FOSB: variants seen among roughly 807,000 people sequenced by gnomAD.
The protein encoded by FOSB is FosB proto-oncogene, AP-1 transcription factor subunit.
FOSB carries 8 observed loss-of-function variants against 31.1 expected under a neutral mutation model. The ratio of observed to expected loss-of-function variants is 0.26; its 90% CI spans 0.15 to 0.46. FOSB has a LOEUF of 0.46. Ranked by LOEUF, FOSB falls within the 20% of genes least tolerant of loss-of-function variation. FOSB has a pLI of 0.99. For missense variants in FOSB, 376 were observed against 460.6 expected (o/e 0.82, Z 1.68); for synonymous variants, 214 against 206.1 (o/e 1.04, Z -0.33).
chr19:45,473,233 A>T lies in FOSB; in HGVS notation c.*221A>T. The stretch of plus-strand genomic sequence containing the variant: ...TGTTTCTGTGCCCCGGCGAGGCCGG[A>T]GAGCTGGTGACTTTGGGGACAGGGG... On this transcript the variant is annotated 3_prime_UTR_variant, in exon 4 of 4. Transcript: ENST00000353609. The T allele has an allele frequency of 2.1e-6, 1 of 487,384 alleles. No individual in the cohort carries two copies. Among genetic ancestry groups the T allele is most frequent in the Non-Finnish European group, 3.7e-6 (1 of 271,290 alleles). The allele number at this position is 487,384 out of a possible 1,614,324, so 30.2% of individuals were successfully genotyped here. A position where few individuals can be genotyped will look rare whatever the true frequency, so the allele number is the denominator to read the frequency against.
In FOSB at chr19:45,468,337, A is replaced by C. The variant is rs986855825; in HGVS notation, c.-250A>C. The C allele has an allele frequency of 9.7e-6, 4 of 413,944 alleles. No individual in the cohort carries two copies. The highest frequency in any genetic ancestry group is 8.3e-5 in the Admixed American group (2 of 24,042). The allele number at this position is 413,944 out of a possible 1,614,324, so 25.6% of individuals were successfully genotyped here. Reference sequence around the variant, plus strand: ...TGGGTCCTACGGAGCCTGCACTTTCAAGAGGTACAGCGGCATCCTGTGGGG... The same window carrying C: ...TGGGTCCTACGGAGCCTGCACTTTCCAGAGGTACAGCGGCATCCTGTGGGG... On this transcript the variant is annotated 5_prime_UTR_variant, in exon 1 of 4. Transcript: ENST00000353609. The surrounding 1 kb of genome is among the most constrained non-coding windows in gnomAD (Gnocchi z 4.8).
Position 45,472,811 on chromosome 19 carries a change from AC to A in FOSB, c.822del (p.Asn275ThrfsTer2). 1 of 1,613,424 alleles carries A rather than the reference AC, an allele frequency of 6.2e-7. No individual in the cohort carries two copies. Among genetic ancestry groups the A allele is most frequent in the Non-Finnish European group, 8.5e-7 (1 of 1,179,894 alleles). On this transcript the variant is annotated frameshift_variant, in exon 4 of 4. Transcript: ENST00000353609. LOFTEE classifies it high-confidence loss of function. This position sits in a 1 kb window ranked among gnomAD's most constrained non-coding sequence, Gnocchi z 5.4. ...TGCCCTTCCAGACCAGCCAAGACGC[AC>A]CCCCCAACCTGACGGCTTCTCTCTT... ...PLPFQTSQDA[P>X]PNLTASLFTH...
rs937754932 is a variant in FOSB, at chr19:45,474,823, A to C, written c.*1811A>C. ...TGTCTTTTCTCCTCCGCCTGTGTCC[A>C]TCTGACCGTTTTCACTTGTCTCCTT... On this transcript the variant is annotated 3_prime_UTR_variant, in exon 4 of 4. Transcript: ENST00000353609. The C allele has an allele frequency of 3.3e-5, 5 of 152,102 alleles. No homozygotes were observed. The highest frequency in any genetic ancestry group is 1.2e-4 in the African/African-American group (5 of 41,378). 9.4% of individuals were successfully genotyped at this position (152,102 alleles called of 1,614,324 possible).
Position 45,468,560 on chromosome 19 carries a change from C to T in FOSB, c.-27C>T. On this transcript the variant is annotated 5_prime_UTR_variant, in exon 1 of 4. Transcript: ENST00000353609. The surrounding 1 kb of genome is among the most constrained non-coding windows in gnomAD (Gnocchi z 4.8). ...GGCTTCCCGGCGACCTCAGCGTGGT[C>T]ACAGGGGCCCCCCTGTGCCCAGGGA... 1 of 1,588,120 alleles carries T rather than the reference C, an allele frequency of 6.3e-7. No individual in the cohort carries two copies. Among genetic ancestry groups the T allele is most frequent in the Non-Finnish European group, 8.5e-7 (1 of 1,171,050 alleles).
At chr19:45,470,478 T>G (rs1599887782) in intron 1 of FOSB, 151 bp from the exon 2 acceptor site, 1 of 706,646 alleles carries the variant, frequency 1.4e-6, no homozygotes, top group Non-Finnish European at 2.4e-6. Context: ...GAAGGGTGGG[T>G]GTTGTGGCTT....
chr19:45,470,564 G>GGTGT, intron 1 of FOSB, 65 bp from the exon 2 acceptor site: 1 of 1,433,538 alleles, frequency 7.0e-7, no homozygotes, highest in Non-Finnish European at 9.5e-7. Context: ...ATGTGTGTTG[G>GGTGT]GTGTGTGTGT....
At chr19:45,471,906 G>C (rs945560707) in intron 3 of FOSB, 1 of 152,678 alleles carries the variant, frequency 6.5e-6, no homozygotes, top group Non-Finnish European at 1.5e-5. Flanking sequence ...TCTCTTCCCC[G>C]GGAGGTAGAG....
chr19:45,469,404 G>T (rs979040813), intron 1 of FOSB, among the ~76,000 whole-genome samples: 1 of 152,238 alleles, frequency 6.6e-6, no homozygotes, highest in Admixed American at 6.5e-5. Context: ...GGCCGCCGGG[G>T]CGCACGCCTT....
Position 45,472,990 on chromosome 19 carries a change from C to A in FOSB, c.995C>A (p.Ser332Ter). 6.2e-7 allele frequency: 1 copy of A among 1,610,542 alleles called. No homozygotes were observed. The highest frequency in any genetic ancestry group is 8.5e-7 in the Non-Finnish European group (1 of 1,179,958). The change falls in exon 4 of 4, where the codon TCG becomes TAG. Residue 332 changes from serine to a stop codon, truncating the protein, a stop_gained. Transcript: ENST00000353609. LOFTEE classifies it high-confidence loss of function. This position sits in a 1 kb window ranked among gnomAD's most constrained non-coding sequence, Gnocchi z 5.4. ...GSDQPSDPLNSPSLLAL is the reference protein window; with the variant it reads ...GSDQPSDPLN The stretch of plus-strand genomic sequence containing the variant: ...GACCAGCCTTCCGATCCCCTGAACT[C>A]GCCCTCCCTCCTCGCTCTGTGAACT...
intron 3 of FOSB, 195 bp downstream of exon 3, chr19:45,471,496 T>TCC (rs3831491): frequency 0.18 from 68,622 of 373,150 alleles, 4,856 homozygotes; most frequent in African/African-American, 0.31. Flanking sequence ...CAACTCCTGG[T>TCC]CCCCCCCCCA....
chr19:45,469,542 C>T (rs993024818), intron 1 of FOSB, among the ~76,000 whole-genome samples: 3 of 152,220 alleles, frequency 2.0e-5, no homozygotes, highest in African/African-American at 7.2e-5. Context: ...GAGGGGATCC[C>T]TGTCGTGACA....
chr19:45,473,062 A>G lies in FOSB; in HGVS notation c.*50A>G. 10 of 1,528,796 alleles carry G rather than the reference A, an allele frequency of 6.5e-6. No homozygotes were observed. The highest frequency in any genetic ancestry group is 8.9e-6 in the Non-Finnish European group (10 of 1,123,338). 94.7% of individuals were successfully genotyped at this position (1,528,796 alleles called of 1,614,324 possible). A position where few individuals can be genotyped will look rare whatever the true frequency, so the allele number is the denominator to read the frequency against. ...AAACACATGGGGGAGAGAGACTTGGAAGAGGAGGAGGAGGAGGAGAAGGAG... is the reference window on the plus strand; with the variant it reads ...AAACACATGGGGGAGAGAGACTTGGGAGAGGAGGAGGAGGAGGAGAAGGAG... On this transcript the variant is annotated 3_prime_UTR_variant, in exon 4 of 4. Transcript: ENST00000353609.
rs576094881 is a variant in FOSB, at chr19:45,471,498, C to CCCA, written c.555+199_555+200insACC. The stretch of plus-strand genomic sequence containing the variant: ...CATGGACTTAAGTCAACTCCTGGTC[C>CCCA]CCCCCCCATTTCCTGACCCCACGGA... On this transcript the variant is annotated intron_variant, in intron 3 of 3. Transcript: ENST00000353609. 9.3e-6 allele frequency: 4 copies of CCCA among 430,130 alleles called. No individual in the cohort carries two copies. The African/African-American group carries it at 9.5e-5, about 10-fold the overall frequency. 26.6% of individuals were successfully genotyped at this position (430,130 alleles called of 1,614,324 possible).
chr19:45,468,567 G>C lies in FOSB; in HGVS notation c.-20G>C, dbSNP rs573268378. 1.0e-5 allele frequency: 16 copies of C among 1,595,888 alleles called. No homozygotes were observed. The highest frequency in any genetic ancestry group is 1.4e-5 in the Non-Finnish European group (16 of 1,174,040). On this transcript the variant is annotated 5_prime_UTR_variant, in exon 1 of 4. Coordinates refer to ENST00000353609, the MANE Select transcript of FOSB (RefSeq NM_006732.3). The surrounding 1 kb of genome is among the most constrained non-coding windows in gnomAD (Gnocchi z 4.8). ...CGGCGACCTCAGCGTGGTCACAGGGGCCCCCCTGTGCCCAGGGAAATGTTT... is the reference window on the plus strand; with the variant it reads ...CGGCGACCTCAGCGTGGTCACAGGGCCCCCCCTGTGCCCAGGGAAATGTTT...
chr19:45,471,086 C>T (rs1967641579), intron 2 of FOSB, 108 bp from the exon 3 acceptor site: 3 of 1,348,766 alleles, frequency 2.2e-6, no homozygotes, highest in Non-Finnish European at 3.1e-6. Context: ...GAGCGAGGAC[C>T]GGAGGCTTGT....
Position 45,472,793 on chromosome 19 carries a change from C to A in FOSB, c.798C>A (p.Phe266Leu), listed in dbSNP as rs1463292254. The A allele has an allele frequency of 1.2e-6, 2 of 1,614,202 alleles. No homozygotes were observed. The highest frequency in any genetic ancestry group is 1.7e-6 in the Non-Finnish European group (2 of 1,180,036). ...CCCCGCCACCACCGCCCCTGCCCTTCCAGACCAGCCAAGACGCACCCCCCA... is the reference window on the plus strand; with the variant it reads ...CCCCGCCACCACCGCCCCTGCCCTTACAGACCAGCCAAGACGCACCCCCCA... ...LPPPPPPPLP[F>L]QTSQDAPPNL... Residue 266 changes from phenylalanine to leucine, a missense_variant, in exon 4 of 4, where the codon TTC becomes TTA. Phe to Leu is a conservative substitution (Grantham distance 22). This residue lies in a region of FOSB where 148 missense variants were observed against 170.0 expected (regional missense o/e 0.87). Coordinates refer to ENST00000353609, the MANE Select transcript of FOSB (RefSeq NM_006732.3). The surrounding 1 kb of genome is among the most constrained non-coding windows in gnomAD (Gnocchi z 5.4).
Position 45,471,020 on chromosome 19 carries a change from G to A in FOSB, c.447+71G>A, listed in dbSNP as rs751608508. On this transcript the variant is annotated intron_variant, in intron 2 of 3. Coordinates refer to ENST00000353609, the MANE Select transcript of FOSB (RefSeq NM_006732.3). ...AGAGGCAGGAAGTTTCTTATGAATGGAGGGGGGCTCCACTAAGGCCTCAGT... is the reference window on the plus strand; with the variant it reads ...AGAGGCAGGAAGTTTCTTATGAATGAAGGGGGGCTCCACTAAGGCCTCAGT... 4 of 1,500,152 alleles carry A rather than the reference G, an allele frequency of 2.7e-6. No homozygotes were observed. In the Admixed American group the frequency reaches 5.4e-5, roughly 20 times the overall value. 92.9% of individuals were successfully genotyped at this position (1,500,152 alleles called of 1,614,324 possible). A position where few individuals can be genotyped will look rare whatever the true frequency, so the allele number is the denominator to read the frequency against.
intron 1 of FOSB, chr19:45,470,171 T>G: frequency 1.2e-5 from 2 of 165,340 alleles, no homozygotes; most frequent in Non-Finnish European, 2.6e-5. Flanking sequence ...CAGAGGGGGG[T>G]GTGTATGTGT....
intron 3 of FOSB, chr19:45,471,755 C>G (rs1967682965): frequency 6.3e-6 from 1 of 159,110 alleles, no homozygotes; most frequent in African/African-American, 2.4e-5. Context: ...CCACAGCTCT[C>G]CTGGTGCTGG....
Sources: allele counts gnomAD v4.1 joint callset (sites outside exome capture counted in the v4.1 genomes callset), GRCh38; gene constraint gnomAD v4.1.1; regional missense constraint gnomAD v4.1.1; non-coding constraint Gnocchi (gnomAD v3.1); transcripts MANE v1.5; gene names NCBI Gene and HGNC (gene_info 2026-07-23, HGNC 2026-07-21).